The following WDR59 variants were observed in gnomAD, a reference collection of about 807,000 sequenced individuals.
WDR59 encodes GATOR2 complex protein WDR59.
In WDR59, 100 loss-of-function variants were observed where a neutral mutation model predicts 131.2. That is an observed-to-expected ratio of 0.76 (90% CI 0.65 to 0.90). WDR59 has a LOEUF of 0.90. Among genes scored for constraint, WDR59 ranks in the 40% least tolerant of loss-of-function variants. The pLI is 0.00. For synonymous variants in WDR59, 601 were observed against 466.2 expected, an observed-to-expected ratio of 1.29 and a Z score of -3.72; for missense variants, 1,203 against 1,262.2, an observed-to-expected ratio of 0.95 and a Z score of 0.71.
chr16:74,957,766 G>A (rs1208221622), intron 2 of WDR59, among the ~76,000 whole-genome samples: 1 of 152,016 alleles, frequency 6.6e-6, no homozygotes, highest in Non-Finnish European at 1.5e-5. Context: ...CCAAGCCCCT[G>A]GAGATCAATG....
chr16:74,941,246 CAGG>C (rs921752064), intron 7 of WDR59, among the ~76,000 whole-genome samples: 3 of 148,796 alleles, frequency 2.0e-5, no homozygotes, highest in African/African-American at 7.5e-5. Flanking sequence ...GAGGCTGAAG[CAGG>C]AGAATAGCTT....
intron 18 of WDR59, among the ~76,000 whole-genome samples, chr16:74,898,516 G>A (rs1965396115): frequency 2.0e-5 from 3 of 152,186 alleles, no homozygotes; most frequent in Non-Finnish European, 2.9e-5. Flanking sequence ...GGTGTTCATG[G>A]AGTTATGGCA....
At chr16:74,963,192 G>A (rs1330107025) in intron 2 of WDR59, 1 of 152,180 alleles carries the variant, frequency 6.6e-6, no homozygotes, top group East Asian at 1.9e-4. Flanking sequence ...GGCAGAGGTT[G>A]TAGTGAGCAG....
intron 8 of WDR59, among the ~76,000 whole-genome samples, chr16:74,925,829 G>C (rs145774019): frequency 0.019 from 2,898 of 151,778 alleles, 90 homozygotes; most frequent in African/African-American, 0.066. Context: ...AGGAGTTCCA[G>C]ATCAGCCTGG....
intron 25 of WDR59, among the ~76,000 whole-genome samples, chr16:74,881,872 C>CAAAAAAAAAAAAAAAAAAAAA (rs1231563634): frequency 4.1e-5 from 2 of 48,380 alleles, no homozygotes; most frequent in Admixed American, 2.3e-4. Flanking sequence ...GACTCCGTCT[C>CAAAAAAAAAAAAAAAAAAAAA]AAAAAAAAAA....
chr16:74,878,815 C>CT lies in WDR59; in HGVS notation c.2690-4372dup, dbSNP rs1260686738. On this transcript the variant is annotated intron_variant, in intron 25 of 25. Transcript: ENST00000262144. ...GTGTTGGGGAATCACTGACTGAATC[C>CT]TTAGGAAATGATTCTGCTCCATAGG... Among the ~76,000 whole-genome samples the CT allele has an allele frequency of 7.2e-5, 11 of 152,296 alleles. No homozygotes were observed. In the East Asian group the frequency reaches 2.1e-3, roughly 29 times the overall value.
chr16:74,910,824 G>A (rs1388596264), intron 14 of WDR59, among the ~76,000 whole-genome samples: 1 of 151,916 alleles, frequency 6.6e-6, no homozygotes, highest in African/African-American at 2.4e-5. Flanking sequence ...CCAGGCTGGA[G>A]TGCAATGGCA....
In WDR59 at chr16:74,951,510, C is replaced by T; in HGVS notation, c.274G>A (p.Asp92Asn). 6.2e-7 allele frequency: 1 copy of T among 1,602,458 alleles called. No individual in the cohort carries two copies. The highest frequency in any genetic ancestry group is 8.5e-7 in the Non-Finnish European group (1 of 1,175,074). Residue 92 changes from aspartate to asparagine, a missense_variant, in exon 4 of 26, where the codon GAC becomes AAC. By Grantham distance (23) the Asp-to-Asn change is conservative. Coordinates refer to ENST00000262144, the MANE Select transcript of WDR59 (RefSeq NM_030581.4). ...NQRVDLYKWK[D>N]GSGEVGTTLQ... Reference sequence around the variant, plus strand: ...GTTGTGCCAACTTCCCCACTGCCGTCTTTCCACTTGTAAAGGTCTACTCGT... The same window carrying T: ...GTTGTGCCAACTTCCCCACTGCCGTTTTTCCACTTGTAAAGGTCTACTCGT...
At chr16:74,981,365 G>A (rs1291581338) in intron 1 of WDR59, among the ~76,000 whole-genome samples, 1 of 126,688 alleles carries the variant, frequency 7.9e-6, no homozygotes, top group Non-Finnish European at 1.7e-5. Flanking sequence ...GACAGAGAGA[G>A]ACTCTGTCTC....
chr16:74,952,267 C>A (rs893424871), intron 3 of WDR59, among the ~76,000 whole-genome samples: 1 of 151,278 alleles, frequency 6.6e-6, no homozygotes. Flanking sequence ...ATAGCCAGAT[C>A]GCATCTCTAC....
At chr16:74,966,951 C>A (rs2033800029) in intron 1 of WDR59, among the ~76,000 whole-genome samples, 1 of 152,156 alleles carries the variant, frequency 6.6e-6, no homozygotes, top group Non-Finnish European at 1.5e-5. Flanking sequence ...TTTCTTTGGA[C>A]AAGTTCAAAT....
At chr16:74,951,307 C>T (rs1162962146) in intron 4 of WDR59, 151 bp downstream of exon 4, 13 of 709,106 alleles carry the variant, frequency 1.8e-5, no homozygotes, top group Non-Finnish European at 3.0e-5. Flanking sequence ...TCTTCACCAC[C>T]ATCTCAGTGA....
intron 25 of WDR59, among the ~76,000 whole-genome samples, chr16:74,881,808 G>A (rs1964498736): frequency 6.6e-6 from 1 of 150,886 alleles, no homozygotes; most frequent in Non-Finnish European, 1.5e-5. Flanking sequence ...AGGAGGGGGA[G>A]GTTGCAGTGA....
chr16:74,922,079 C>T lies in WDR59; in HGVS notation c.754G>A (p.Val252Met). ...TCCCTCCGCAGCTGGGGAACCATCA[C>T]AGTCACCAATCCATTGCTGAAAGGC... is the stretch of plus-strand genomic sequence containing the variant. ...YTPFSNGLVT[V>M]MVPQLRRENS... Residue 252 changes from valine to methionine, a missense_variant, in exon 10 of 26, where the codon GTG (valine) becomes ATG (methionine). Val to Met is a conservative substitution (Grantham distance 21). Coordinates refer to ENST00000262144, the MANE Select transcript of WDR59 (RefSeq NM_030581.4). 6.2e-7 allele frequency: 1 copy of T among 1,614,214 alleles called. No homozygotes were observed. Among genetic ancestry groups the T allele is most frequent in the Non-Finnish European group, 8.5e-7 (1 of 1,180,022 alleles).
intron 1 of WDR59, among the ~76,000 whole-genome samples, chr16:74,983,503 A>G (rs1427564777): frequency 6.6e-6 from 1 of 152,094 alleles, no homozygotes; most frequent in Non-Finnish European, 1.5e-5. Flanking sequence ...TTAAAATTGA[A>G]GAGAATCACC....
chr16:74,908,796 T>C (rs1259158273), intron 17 of WDR59, 112 bp downstream of exon 17: 4 of 734,114 alleles, frequency 5.4e-6, no homozygotes, highest in Non-Finnish European at 9.1e-6. Context: ...AATGGGAGTT[T>C]ACTGAAGAAC....
Position 74,872,833 on chromosome 16 carries a change from A to C in WDR59, c.*1376T>G, listed in dbSNP as rs1964035201. The C allele has an allele frequency of 6.6e-6, 1 of 152,010 alleles. No homozygotes were observed. The allele number at this position is 152,010 out of a possible 1,614,324, so 9.4% of individuals were successfully genotyped here. ...ACTGCAGCCTCAACCTCCTGGACTC[A>C]AGTGATCCTCCCACCTCGGCCCCTC... On this transcript the variant is annotated 3_prime_UTR_variant, in exon 26 of 26. Coordinates refer to ENST00000262144, the MANE Select transcript of WDR59 (RefSeq NM_030581.4).
At chr16:74,903,543 C>T (rs1013249526) in intron 18 of WDR59, among the ~76,000 whole-genome samples, 40 of 151,502 alleles carry the variant, frequency 2.6e-4, no homozygotes, top group African/African-American at 9.4e-4. Flanking sequence ...CTTCTCACAA[C>T]CATCAAGTTC....
intron 1 of WDR59, among the ~76,000 whole-genome samples, chr16:74,972,605 G>C (rs1273712423): frequency 6.6e-6 from 1 of 151,696 alleles, no homozygotes. Context: ...AGGCCAAGGT[G>C]GGTGGATCAT....
Sources: gnomAD v4.1 joint callset for allele counts (sites outside exome capture counted in the v4.1 genomes callset) on GRCh38, gnomAD v4.1.1 for gene constraint, MANE v1.5 for transcripts, NCBI Gene and HGNC (gene_info 2026-07-23, HGNC 2026-07-21) for gene names.